The following NAALADL2 variants were observed in gnomAD, a reference collection of about 807,000 sequenced individuals.
NAALADL2 encodes N-acetylated alpha-linked acidic dipeptidase like 2, also known as inactive N-acetylated-alpha-linked acidic dipeptidase-like protein 2.
Under a neutral mutation model 87.2 loss-of-function variants are expected in NAALADL2, and 76 were observed. That is an observed-to-expected ratio of 0.87 (90% CI 0.72 to 1.05). The LOEUF (loss-of-function observed/expected upper bound fraction) is 1.05. NAALADL2 is among the 50% of genes least tolerant of loss of function. The probability of loss-of-function intolerance (pLI) is 0.00; values close to 1 mark genes in which losing one functional copy is unlikely to be tolerated. For synonymous variants in NAALADL2, 354 were observed against 331.0 expected (o/e 1.07, Z -0.75); for missense variants, 1,089 against 945.8 (o/e 1.15, Z -1.99).
At chr3:175,138,613 AT>A (rs1037274505) in intron 2 of NAALADL2, among the ~76,000 whole-genome samples, 10 of 149,614 alleles carry the variant, frequency 6.7e-5, no homozygotes, top group African/African-American at 2.4e-4. Flanking sequence ...ATTTATTATT[AT>A]TATTATTATT....
At chr3:175,214,290 T>C (rs1234671031) in intron 2 of NAALADL2, among the ~76,000 whole-genome samples, 1 of 152,192 alleles carries the variant, frequency 6.6e-6, no homozygotes, top group Non-Finnish European at 1.5e-5. Flanking sequence ...TCATTGATAC[T>C]GTGTTACCTT....
intron 1 of NAALADL2, among the ~76,000 whole-genome samples, chr3:174,871,460 T>G (rs566484896): frequency 6.6e-6 from 1 of 152,230 alleles, no homozygotes; most frequent in Non-Finnish European, 1.5e-5. Flanking sequence ...CCGTAGCCAG[T>G]GAAAGTTTGC....
chr3:174,761,995 A>G, intron 3 of NAALADL2, among the ~76,000 whole-genome samples: 1 of 151,976 alleles, frequency 6.6e-6, no homozygotes, highest in South Asian at 2.1e-4. Flanking sequence ...AATGTTTAAT[A>G]TTTTAGAGTT....
intron 2 of NAALADL2, among the ~76,000 whole-genome samples, chr3:174,611,805 C>G (rs1450959769): frequency 6.6e-6 from 1 of 151,942 alleles, no homozygotes; most frequent in African/African-American, 2.4e-5. Context: ...CCATATTAGC[C>G]AGGCTGGTCT....
intron 5 of NAALADL2, among the ~76,000 whole-genome samples, chr3:175,371,395 G>A (rs1203160312): frequency 1.3e-5 from 2 of 152,052 alleles, no homozygotes; most frequent in African/African-American, 2.4e-5. Flanking sequence ...AGCCTCCTGA[G>A]TAGCTGGGAT....
chr3:174,735,733 A>G (rs1226614592), intron 2 of NAALADL2, among the ~76,000 whole-genome samples: 3 of 151,770 alleles, frequency 2.0e-5, no homozygotes, highest in East Asian at 1.9e-4. Context: ...CTAATTTTTT[A>G]TTTTTATTTC....
intron 3 of NAALADL2, among the ~76,000 whole-genome samples, chr3:175,251,623 C>A (rs999173663): frequency 2.0e-4 from 31 of 152,080 alleles, no homozygotes; most frequent in African/African-American, 7.2e-4. Flanking sequence ...AGAATAAATG[C>A]GGAAAGAAGA....
At chr3:175,018,253 G>A (rs748946110) in intron 1 of NAALADL2, among the ~76,000 whole-genome samples, 6 of 151,910 alleles carry the variant, frequency 3.9e-5, no homozygotes, top group Non-Finnish European at 7.4e-5. Context: ...AGGTGAATTG[G>A]TCATATCTTT....
At chr3:175,026,119 A>G (rs781097188) in intron 1 of NAALADL2, among the ~76,000 whole-genome samples, 7 of 152,154 alleles carry the variant, frequency 4.6e-5, no homozygotes, top group Non-Finnish European at 1.0e-4. Context: ...CTGTTTAGCC[A>G]TCCTAACAAA....
intron 1 of NAALADL2, among the ~76,000 whole-genome samples, chr3:174,897,341 T>G (rs1456176991): frequency 6.7e-6 from 1 of 150,012 alleles, no homozygotes; most frequent in East Asian, 2.0e-4. Context: ...AATAATCTTA[T>G]CAAAAAGTGG....
intron 1 of NAALADL2, among the ~76,000 whole-genome samples, chr3:175,004,864 C>T (rs1036946408): frequency 2.1e-5 from 3 of 139,690 alleles, no homozygotes; most frequent in African/African-American, 5.8e-5. Context: ...GCAAATATTC[C>T]AAAATCAAAA....
At chr3:174,547,799 A>G (rs1430647897) in intron 1 of NAALADL2, among the ~76,000 whole-genome samples, 1 of 152,166 alleles carries the variant, frequency 6.6e-6, no homozygotes, top group African/African-American at 2.4e-5. Context: ...ACTTCAGATT[A>G]AAGAAAAGTT....
chr3:175,155,939 G>A (rs1732249992), intron 2 of NAALADL2, among the ~76,000 whole-genome samples: 2 of 152,158 alleles, frequency 1.3e-5, no homozygotes, highest in Admixed American at 1.3e-4. Context: ...AAAAACAAAT[G>A]AGATGTTAAG....
At chr3:175,378,057 A>G (rs762876900) in intron 5 of NAALADL2, among the ~76,000 whole-genome samples, 5 of 152,276 alleles carry the variant, frequency 3.3e-5, no homozygotes, top group African/African-American at 4.8e-5. Context: ...AGCTGTTAAC[A>G]CTTAAGCCGT....
chr3:174,726,662 C>T (rs147303876), intron 2 of NAALADL2, among the ~76,000 whole-genome samples: 201 of 151,948 alleles, frequency 1.3e-3, no homozygotes, highest in Non-Finnish European at 2.1e-3. Context: ...TCTGTGACAC[C>T]GTTGTCTTAT....
intron 3 of NAALADL2, among the ~76,000 whole-genome samples, chr3:174,801,535 T>C (rs1263014870): frequency 1.3e-5 from 2 of 152,158 alleles, no homozygotes; most frequent in African/African-American, 2.4e-5. Context: ...TAATAGAACA[T>C]CCTTGTCTTG....
chr3:175,222,406 C>G (rs6804295), intron 2 of NAALADL2, among the ~76,000 whole-genome samples: 24,490 of 152,060 alleles, frequency 0.16, 2,275 homozygotes, highest in Admixed American at 0.25. Flanking sequence ...ATCTTGTGAC[C>G]TAGACTCAAA....
intron 12 of NAALADL2, among the ~76,000 whole-genome samples, chr3:175,751,413 A>G (rs553683404): frequency 2.0e-5 from 3 of 152,120 alleles, no homozygotes; most frequent in Non-Finnish European, 4.4e-5. Flanking sequence ...TGAGAAAAAA[A>G]AAGTCAGTAA....
chr3:174,531,425 C>T (rs898997992), intron 1 of NAALADL2, among the ~76,000 whole-genome samples: 11 of 152,112 alleles, frequency 7.2e-5, no homozygotes, highest in African/African-American at 2.4e-4. Flanking sequence ...TTATCATCAG[C>T]AAATAAAATC....
Sources: gnomAD v4.1 joint callset for allele counts (sites outside exome capture counted in the v4.1 genomes callset) on GRCh38, gnomAD v4.1.1 for gene constraint, MANE v1.5 for transcripts, NCBI Gene and HGNC (gene_info 2026-07-23, HGNC 2026-07-21) for gene names.